Variants in ZFHX3 observed in about 807,000 individuals in gnomAD.
ZFHX3 encodes the protein zinc finger homeobox 3.
Under a neutral mutation model 279.1 loss-of-function variants are expected in ZFHX3, and 42 were observed. The ratio of observed to expected loss-of-function variants is 0.15; its 90% CI spans 0.12 to 0.19. The LOEUF (loss-of-function observed/expected upper bound fraction) is 0.19. Ranked by LOEUF, ZFHX3 falls within the 10% of genes least tolerant of loss-of-function variation. The probability of loss-of-function intolerance (pLI) is 1.00; values close to 1 mark genes in which losing one functional copy is unlikely to be tolerated. For missense variants in ZFHX3, 4,981 were observed against 4,754.0 expected (o/e 1.05, Z -1.40); for synonymous variants, 2,293 against 1,957.8 (o/e 1.17, Z -4.52).
intron 5 of ZFHX3, among the ~76,000 whole-genome samples, chr16:73,201,336 G>C (rs576749609): frequency 6.6e-6 from 1 of 152,314 alleles, no homozygotes; most frequent in African/African-American, 2.4e-5. Flanking sequence ...GAGAGTAGGG[G>C]AGTCAGATAT....
At chr16:73,576,783 T>A (rs555631930) in intron 2 of ZFHX3, among the ~76,000 whole-genome samples, 3 of 152,130 alleles carry the variant, frequency 2.0e-5, no homozygotes, top group Admixed American at 6.6e-5. Flanking sequence ...GGTAAACTCA[T>A]GTCAGGAGGG....
chr16:72,928,168 GA>G (rs1959573483), intron 3 of ZFHX3, among the ~76,000 whole-genome samples: 1 of 69,022 alleles, frequency 1.4e-5, no homozygotes, highest in African/African-American at 6.7e-5. Context: ...GGGAGAGAGG[GA>G]GGGGGAGGGG....
exon 6 of ZFHX3, chr16:73,143,780 A>G: frequency 1.5e-6 from 2 of 1,305,788 alleles, no homozygotes; most frequent in Non-Finnish European, 2.0e-6. Context: ...GCTGGACACC[A>G]TCCAATAGCG....
Position 72,793,544 on chromosome 16 carries a change from T to C in ZFHX3, c.9138A>G (p.Gln3046=), listed in dbSNP as rs751749340. 2.5e-6 allele frequency: 4 copies of C among 1,614,060 alleles called. No homozygotes were observed. The highest frequency in any genetic ancestry group is 1.1e-5 in the South Asian group (1 of 91,086). ...RLSVRDHIFS[Q]QHISKVKDTI... is the part of the protein sequence containing the mutation. ...TGTCTTTAACTTTGGAGATATGCTG[T>C]TGGGAAAAGATATGGTCACGTACAG... The change falls in exon 9 of 10, where the codon CAA becomes CAG. Residue 3046 remains glutamine (Q), a synonymous_variant. Coordinates refer to ENST00000268489, the MANE Select transcript of ZFHX3 (RefSeq NM_006885.4). The surrounding 1 kb of genome is among the most constrained non-coding windows in gnomAD (Gnocchi z 4.3).
intron 1 of ZFHX3, among the ~76,000 whole-genome samples, chr16:73,735,549 TCTCA>T (rs1293997874): frequency 6.6e-6 from 1 of 152,012 alleles, no homozygotes; most frequent in Admixed American, 6.6e-5. Context: ...CACAGCCCTC[TCTCA>T]CTCTCAGAAA....
intron 5 of ZFHX3, among the ~76,000 whole-genome samples, chr16:73,242,152 G>A (rs1204353891): frequency 1.3e-5 from 2 of 152,190 alleles, no homozygotes; most frequent in Non-Finnish European, 2.9e-5. Flanking sequence ...GAAGAGACCT[G>A]CTCTGGGTCA....
chr16:73,839,702 C>A (rs903353522), intron 1 of ZFHX3, among the ~76,000 whole-genome samples: 1 of 152,126 alleles, frequency 6.6e-6, no homozygotes, highest in Non-Finnish European at 1.5e-5. Context: ...AGGAGGTACC[C>A]AAAGCACTGA....
At chr16:73,200,237 A>G (rs943138869) in intron 5 of ZFHX3, among the ~76,000 whole-genome samples, 6 of 152,172 alleles carry the variant, frequency 3.9e-5, no homozygotes, top group African/African-American at 1.4e-4. Flanking sequence ...TGGAATTTCT[A>G]AAGTCTCCTA....
In ZFHX3 at chr16:73,012,403, TG is replaced by T. The variant is rs1166871051; in HGVS notation, c.-50+35348del. ...TCTGATAGTATGCATTTGAACCATATGGAATCACCATTTTTTTTATTAAATT... is the reference window on the plus strand; with the variant it reads ...TCTGATAGTATGCATTTGAACCATATGAATCACCATTTTTTTTATTAAATT... On this transcript the variant is annotated intron_variant, in intron 1 of 9. Transcript: ENST00000268489. 3.6e-5 allele frequency among the ~76,000 whole-genome samples: 4 copies of T among 112,400 alleles called. No individual in the cohort carries two copies. The East Asian group carries it at 1.6e-3, about 45-fold the overall frequency. 73.7% of individuals were successfully genotyped at this position (112,400 alleles called of 152,430 possible). A position where few individuals can be genotyped will look rare whatever the true frequency, so the allele number is the denominator to read the frequency against.
At chr16:73,089,849 T>C (rs754889020) in intron 8 of ZFHX3, among the ~76,000 whole-genome samples, 5 of 152,226 alleles carry the variant, frequency 3.3e-5, no homozygotes, top group Non-Finnish European at 5.9e-5. Context: ...CTGTAGGATA[T>C]AAGGATGAAG....
At chr16:73,764,952 T>C (rs2053913674) in intron 1 of ZFHX3, among the ~76,000 whole-genome samples, 1 of 152,214 alleles carries the variant, frequency 6.6e-6, no homozygotes, top group African/African-American at 2.4e-5. Context: ...TTCAGGATTA[T>C]CTCAACGCCT....
intron 1 of ZFHX3, among the ~76,000 whole-genome samples, chr16:73,786,854 C>T (rs1054149228): frequency 1.3e-5 from 2 of 152,136 alleles, no homozygotes; most frequent in Admixed American, 6.6e-5. Context: ...TAGCTCTTCC[C>T]GTACCCATAC....
At chr16:72,849,073 G>T (rs138663111) in intron 4 of ZFHX3, among the ~76,000 whole-genome samples, 1 of 152,070 alleles carries the variant, frequency 6.6e-6, no homozygotes, top group Non-Finnish European at 1.5e-5. Context: ...AAGCCCGGGG[G>T]TGGGGGATGT....
At chr16:73,523,117 G>A (rs935394155) in intron 2 of ZFHX3, among the ~76,000 whole-genome samples, 1 of 152,150 alleles carries the variant, frequency 6.6e-6, no homozygotes, top group African/African-American at 2.4e-5. Context: ...GTTTCACTGT[G>A]CCTTTATTTC....
chr16:73,051,487 T>A (rs372814169), upstream of ZFHX3, among the ~76,000 whole-genome samples: 6 of 152,318 alleles, frequency 3.9e-5, no homozygotes, highest in South Asian at 4.1e-4. Flanking sequence ...TGCACACAGA[T>A]GTTTTGATTC....
At chr16:73,413,934 A>G (rs970982544) in intron 3 of ZFHX3, among the ~76,000 whole-genome samples, 1 of 152,238 alleles carries the variant, frequency 6.6e-6, no homozygotes, top group African/African-American at 2.4e-5. Context: ...TAAGAAAACA[A>G]AGATTCAATA....
intron 2 of ZFHX3, among the ~76,000 whole-genome samples, chr16:73,503,202 G>A (rs891220569): frequency 6.6e-6 from 1 of 152,340 alleles, no homozygotes. Context: ...TGATGAGCTA[G>A]AGGCACTTAT....
intron 2 of ZFHX3, among the ~76,000 whole-genome samples, chr16:73,617,480 T>C (rs937382211): frequency 2.0e-5 from 3 of 152,226 alleles, no homozygotes; most frequent in African/African-American, 2.4e-5. Context: ...TATGATACAA[T>C]ATACAAAACA....
Position 72,783,352 on chromosome 16 carries a change from A to ATCTC in ZFHX3, c.*3808_*3811dup, listed in dbSNP as rs2035205052. The ATCTC allele has an allele frequency of 6.6e-6, 1 of 152,466 alleles. No individual in the cohort carries two copies. The highest frequency in any genetic ancestry group is 1.9e-4 in the East Asian group (1 of 5,182). The allele number at this position is 152,466 out of a possible 1,614,324, so 9.4% of individuals were successfully genotyped here. A position where few individuals can be genotyped will look rare whatever the true frequency, so the allele number is the denominator to read the frequency against. ...AAAGCTTTGTTTCACAGTGGGCAGTATCTCAGCGCCAACAAACAACTCAAT... is the reference window on the plus strand; with the variant it reads ...AAAGCTTTGTTTCACAGTGGGCAGTATCTCTCTCAGCGCCAACAAACAACTCAAT... On this transcript the variant is annotated 3_prime_UTR_variant, in exon 10 of 10. Coordinates refer to ENST00000268489, the MANE Select transcript of ZFHX3 (RefSeq NM_006885.4).
Sources: allele counts gnomAD v4.1 joint callset (sites outside exome capture counted in the v4.1 genomes callset), GRCh38; gene constraint gnomAD v4.1.1; non-coding constraint Gnocchi (gnomAD v3.1); transcripts MANE v1.5; gene names NCBI Gene and HGNC (gene_info 2026-07-23, HGNC 2026-07-21).